Variants in PARD3 observed in about 807,000 individuals in gnomAD.
PARD3 encodes the protein partitioning defective 3 homolog.
PARD3 carries 75 observed loss-of-function variants against 155.4 expected under a neutral mutation model. That is an observed-to-expected ratio of 0.48 (90% CI 0.40 to 0.58). PARD3 has a LOEUF of 0.58. PARD3 is among the 20% of genes least tolerant of loss of function. The pLI is 0.00. For synonymous variants in PARD3, 576 were observed against 610.5 expected (o/e 0.94, Z 0.83); for missense variants, 1,642 against 1,721.7 (o/e 0.95, Z 0.82).
chr10:34,348,069 G>A lies in PARD3; in HGVS notation c.2114C>T (p.Thr705Ile), dbSNP rs1837612286. ...TCTTCGTTCTCTATCATCCAACGCT[G>A]TTTCAATGGGCAGCTCAGGTCCAGG... Reference protein sequence around the residue: ...SPPGPELPIETALDDRERRIS... With the variant: ...SPPGPELPIEIALDDRERRIS... The change falls in exon 15 of 25, where the codon ACA becomes ATA. Residue 705 changes from threonine (T) to isoleucine (I), a missense_variant. Thr to Ile is a moderately conservative substitution (Grantham distance 89, BLOSUM62 -1). Around this residue, in one of 3 missense-constraint regions of PARD3, gnomAD observed 1,529 missense variants for 1,587.3 expected, o/e 0.96. Coordinates refer to ENST00000374788, the MANE Select transcript of PARD3 (RefSeq NM_001184785.2). The A allele has an allele frequency of 6.2e-7, 1 of 1,612,602 alleles. No individual in the cohort carries two copies. Among genetic ancestry groups the A allele is most frequent in the Non-Finnish European group, 8.5e-7 (1 of 1,179,402 alleles).
intron 1 of PARD3, among the ~76,000 whole-genome samples, chr10:34,761,814 G>A (rs999895028): frequency 6.6e-6 from 1 of 151,994 alleles, no homozygotes; most frequent in African/African-American, 2.4e-5. Flanking sequence ...GAGTCCTAAA[G>A]GAACAAAGTA....
chr10:34,540,791 C>CG (rs113676203), intron 2 of PARD3, among the ~76,000 whole-genome samples: 7 of 151,786 alleles, frequency 4.6e-5, no homozygotes, highest in African/African-American at 1.7e-4. Context: ...CGGAGGGGAC[C>CG]GGGGGTGTAA....
rs116369671 is a variant in PARD3, at chr10:34,545,379, G to A, written c.223-28220C>T. ...CATCTCCCTCAAACTCCGGTGTTAG[G>A]GCCAAACACCAGCACTGCCCCAAAG... On this transcript the variant is annotated intron_variant, in intron 2 of 24. Transcript: ENST00000374788. Among the ~76,000 whole-genome samples the A allele has an allele frequency of 9.6e-3, 1,460 of 152,084 alleles. 22 individuals carry two copies. The highest frequency in any genetic ancestry group is 0.033 in the African/African-American group (1,388 of 41,458).
At chr10:34,783,604 C>CAAAAAAAAAAAAAAAAAAAAAAA (rs35411933) in intron 1 of PARD3, among the ~76,000 whole-genome samples, 1 of 76,248 alleles carries the variant, frequency 1.3e-5, no homozygotes, top group Non-Finnish European at 2.4e-5. Context: ...ACTCCGTCTT[C>CAAAAAAAAAAAAAAAAAAAAAAA]AAAAAAAAAA....
intron 12 of PARD3, among the ~76,000 whole-genome samples, chr10:34,363,726 TTTTC>T (rs1839686736): frequency 2.0e-5 from 3 of 152,206 alleles, no homozygotes; most frequent in African/African-American, 7.2e-5. Context: ...AAAAAATGTC[TTTTC>T]TTTAACTCAC....
intron 2 of PARD3, among the ~76,000 whole-genome samples, chr10:34,589,026 T>C (rs914987118): frequency 1.3e-5 from 2 of 152,198 alleles, no homozygotes; most frequent in African/African-American, 2.4e-5. Context: ...TGGTCCAGCC[T>C]GGACAGCATA....
At chr10:34,695,477 C>CAAAAA (rs60331770) in intron 2 of PARD3, among the ~76,000 whole-genome samples, 1 of 109,562 alleles carries the variant, frequency 9.1e-6, no homozygotes, top group Non-Finnish European at 1.8e-5. Flanking sequence ...GACTCCATCT[C>CAAAAA]AAAAAAAAAA....
chr10:34,439,533 C>G (rs968232669), intron 5 of PARD3, among the ~76,000 whole-genome samples: 1 of 152,078 alleles, frequency 6.6e-6, no homozygotes, highest in South Asian at 2.1e-4. Flanking sequence ...TCTTGGCTTA[C>G]TGCAACCTCT....
At chr10:34,484,416 C>G (rs1473617081) in intron 3 of PARD3, among the ~76,000 whole-genome samples, 2 of 152,222 alleles carry the variant, frequency 1.3e-5, no homozygotes, top group Non-Finnish European at 2.9e-5. Flanking sequence ...CTGTCAGATT[C>G]CATTCCAGAT....
chr10:34,706,471 G>A (rs1191558937), intron 1 of PARD3, among the ~76,000 whole-genome samples: 1 of 152,174 alleles, frequency 6.6e-6, no homozygotes, highest in Admixed American at 6.5e-5. Flanking sequence ...TCCAGGCCAG[G>A]CGTGGTGGCC....
intron 22 of PARD3, among the ~76,000 whole-genome samples, chr10:34,188,676 A>C (rs1014927450): frequency 1.3e-5 from 2 of 152,182 alleles, no homozygotes; most frequent in African/African-American, 4.8e-5. Context: ...TGGAATGAAA[A>C]CATCACTCCA....
chr10:34,342,943 C>T (rs1836992134), intron 15 of PARD3, among the ~76,000 whole-genome samples: 2 of 152,066 alleles, frequency 1.3e-5, no homozygotes, highest in Admixed American at 6.6e-5. Flanking sequence ...AAATTAACAG[C>T]TTATATAAAT....
At chr10:34,774,940 T>G (rs1839354066) in intron 1 of PARD3, among the ~76,000 whole-genome samples, 1 of 152,248 alleles carries the variant, frequency 6.6e-6, no homozygotes, top group Non-Finnish European at 1.5e-5. Context: ...CGAAGATGTA[T>G]GTAATAGTAG....
intron 22 of PARD3, among the ~76,000 whole-genome samples, chr10:34,160,191 G>A (rs1378752409): frequency 6.6e-6 from 1 of 152,170 alleles, no homozygotes; most frequent in East Asian, 1.9e-4. Flanking sequence ...ATAAAGTAAG[G>A]TTCAGTTATC....
At chr10:34,604,116 C>T (rs1435083105) in intron 2 of PARD3, among the ~76,000 whole-genome samples, 1 of 152,190 alleles carries the variant, frequency 6.6e-6, no homozygotes, top group Non-Finnish European at 1.5e-5. Context: ...AAACAAACTG[C>T]AACCCATCAG....
In PARD3 at chr10:34,208,955, A is replaced by G. The variant is rs569459598; in HGVS notation, c.3419+60702T>C. On this transcript the variant is annotated intron_variant, in intron 22 of 24. Transcript: ENST00000374788. Reference sequence around the variant, plus strand: ...TTACTCCAAGAATTTAAATACCTCAAGTTCTTTAAGCTTTCAGAAATATAC... The same window carrying G: ...TTACTCCAAGAATTTAAATACCTCAGGTTCTTTAAGCTTTCAGAAATATAC... 2.6e-5 allele frequency among the ~76,000 whole-genome samples: 4 copies of G among 152,354 alleles called. No homozygotes were observed. The South Asian group carries it at 8.3e-4, about 32-fold the overall frequency.
chr10:34,710,548 G>A (rs1218152511), intron 1 of PARD3, among the ~76,000 whole-genome samples: 2 of 151,966 alleles, frequency 1.3e-5, no homozygotes, highest in East Asian at 3.9e-4. Flanking sequence ...CCTTTATCAT[G>A]TGACTGTCCT....
chr10:34,769,880 C>A (rs1004188467), intron 1 of PARD3, among the ~76,000 whole-genome samples: 8 of 149,092 alleles, frequency 5.4e-5, no homozygotes, highest in South Asian at 4.3e-4. Flanking sequence ...CACACACACA[C>A]AATTATAACC....
intron 22 of PARD3, among the ~76,000 whole-genome samples, chr10:34,196,313 C>T (rs926209550): frequency 6.6e-6 from 1 of 152,168 alleles, no homozygotes; most frequent in African/African-American, 2.4e-5. Context: ...GTTAATACCC[C>T]ATCAACTCCA....
Sources: allele counts gnomAD v4.1 joint callset (sites outside exome capture counted in the v4.1 genomes callset), GRCh38; gene constraint gnomAD v4.1.1; regional missense constraint gnomAD v4.1.1; transcripts MANE v1.5; gene names NCBI Gene and HGNC (gene_info 2026-07-23, HGNC 2026-07-21).